The following SGSM2 variants were observed in gnomAD, a reference collection of about 807,000 sequenced individuals.
SGSM2 encodes the protein RUN and TBC1 domain containing 1.
A neutral mutation model predicts 126.6 loss-of-function variants in SGSM2; 89 were observed. That is an observed-to-expected ratio of 0.70 (90% CI 0.59 to 0.84). The LOEUF is 0.84. Among genes scored for constraint, SGSM2 ranks in the 40% least tolerant of loss-of-function variants. The pLI, the probability that SGSM2 is intolerant of heterozygous loss-of-function variation, is 0.00. For missense variants in SGSM2, 1,404 were observed against 1,416.6 expected (o/e 0.99, Z 0.14); for synonymous variants, 614 against 574.3 (o/e 1.07, Z -0.99).
At position 2,375,661 on chromosome 17, in the gene SGSM2, A is replaced by G. The variant is rs2066100697; in HGVS notation, c.2270A>G (p.Asn757Ser). The G allele has an allele frequency of 6.2e-7, 1 of 1,613,804 alleles. No homozygotes were observed. Among genetic ancestry groups the G allele is most frequent in the Admixed American group, 1.7e-5 (1 of 60,002 alleles). ...SPDSGLPSSR[N>S]YSVASGIQSS... ...GACTCAGGACTGCCCTCCTCTCGCA[A>G]TTACTCCGTGGCCTCGGGCATCCAG... is the stretch of plus-strand genomic sequence containing the variant. The change falls in exon 18 of 24, where the codon AAT becomes AGT. Residue 757 changes from asparagine (N) to serine (S), a missense_variant. Coordinates refer to ENST00000268989, the MANE Select transcript of SGSM2 (RefSeq NM_014853.3).
At chr17:2,375,280 G>C (rs954331359) in intron 17 of SGSM2, 2 of 544,128 alleles carry the variant, frequency 3.7e-6, no homozygotes, top group East Asian at 3.2e-5. Flanking sequence ...GGCTGAAGAC[G>C]TGTCTTCATG....
intron 22 of SGSM2, among the ~76,000 whole-genome samples, chr17:2,378,768 G>A (rs560822805): frequency 5.3e-5 from 8 of 152,252 alleles, no homozygotes; most frequent in African/African-American, 1.9e-4. Flanking sequence ...GAAAAGGATG[G>A]GGCCTTGGTA....
intron 22 of SGSM2, 91 bp from the exon 23 acceptor site, chr17:2,378,927 TCAGCCTCAGCCTCAGCCC>T (rs2066298830): frequency 8.7e-7 from 1 of 1,155,316 alleles, no homozygotes; most frequent in Non-Finnish European, 1.1e-6. Context: ...AGCCCCAGCC[TCAGCCTCAGCCTCAGCCC>T]CAGCCTCAAT....
At chr17:2,346,257 T>C (rs2064593964) in intron 2 of SGSM2, among the ~76,000 whole-genome samples, 1 of 152,080 alleles carries the variant, frequency 6.6e-6, no homozygotes, top group Admixed American at 6.6e-5. Context: ...GACACCACGG[T>C]CCCTAGTTTC....
chr17:2,368,644 G>A (rs748848604), intron 12 of SGSM2, among the ~76,000 whole-genome samples: 4 of 152,040 alleles, frequency 2.6e-5, no homozygotes, highest in African/African-American at 7.2e-5. Flanking sequence ...ACTGCCAGGC[G>A]CCTGCCCTCA....
At chr17:2,376,459 C>T in intron 19 of SGSM2, 198 bp downstream of exon 19, 1 of 682,972 alleles carries the variant, frequency 1.5e-6, no homozygotes, top group Non-Finnish European at 2.4e-6. Flanking sequence ...ACCTCCACTT[C>T]AGCCACACCT....
intron 2 of SGSM2, among the ~76,000 whole-genome samples, chr17:2,355,384 G>C (rs879118942): frequency 2.0e-5 from 1 of 49,080 alleles, no homozygotes; most frequent in Admixed American, 1.5e-4. Flanking sequence ...GGGGTGTAAG[G>C]GTTGGGGCAG....
intron 21 of SGSM2, 196 bp downstream of exon 21, chr17:2,377,264 T>C: frequency 1.8e-6 from 1 of 544,910 alleles, no homozygotes; most frequent in Non-Finnish European, 3.2e-6. Flanking sequence ...GGCAGGCGGA[T>C]CACGAAGTCA....
chr17:2,349,114 G>A (rs1278155769), intron 2 of SGSM2, among the ~76,000 whole-genome samples: 5 of 151,502 alleles, frequency 3.3e-5, no homozygotes, highest in African/African-American at 1.2e-4. Context: ...AGTGGCTCAC[G>A]CCTGCAATCC....
rs192350056 is a variant in SGSM2 at position 2,380,697 on chromosome 17, C to G, written c.*1177C>G. The G allele has an allele frequency of 3.5e-6, 1 of 285,292 alleles. No homozygotes were observed. Among genetic ancestry groups the G allele is most frequent in the Admixed American group, 5.0e-5 (1 of 19,890 alleles). The allele number at this position is 285,292 out of a possible 1,614,324, so 17.7% of individuals were successfully genotyped here. On this transcript the variant is annotated 3_prime_UTR_variant, in exon 24 of 24. Transcript: ENST00000268989. ...TCTACCCCAACACATGCAGGCTAGG[C>G]CTTGCCCTGGAACATGGAGGCCCTG...
At position 2,363,043 on chromosome 17, in the gene SGSM2, C is replaced by T. The variant is rs932072657; in HGVS notation, c.581C>T (p.Thr194Ile). The change falls in exon 6 of 24, where the codon ACT becomes ATT. Residue 194 changes from threonine (T) to isoleucine (I), a missense_variant. Thr to Ile is a moderately conservative substitution (Grantham distance 89). Transcript: ENST00000268989. The surrounding 1 kb of genome is among the most constrained non-coding windows in gnomAD (Gnocchi z 4.2). Reference protein sequence around the residue: ...TKLKTADHYWTDPSADELVQR... With the variant: ...TKLKTADHYWIDPSADELVQR... ...CTCAAGACAGCCGATCACTACTGGA[C>T]TGACCCCTCTGCTGATGAGCTGGTC... The T allele has an allele frequency of 1.2e-6, 2 of 1,613,902 alleles. No individual in the cohort carries two copies. The highest frequency in any genetic ancestry group is 1.7e-6 in the Non-Finnish European group (2 of 1,180,052).
chr17:2,373,207 G>T, intron 16 of SGSM2, 124 bp from the exon 17 acceptor site: 1 of 1,539,844 alleles, frequency 6.5e-7, no homozygotes, highest in Non-Finnish European at 8.8e-7. Flanking sequence ...CAGCTCCACC[G>T]TCCTTACCCT....
intron 11 of SGSM2, among the ~76,000 whole-genome samples, chr17:2,365,683 T>C (rs1173084474): frequency 2.6e-5 from 4 of 151,474 alleles, no homozygotes; most frequent in Non-Finnish European, 5.9e-5. Context: ...AACCCTCCAT[T>C]GCTCTTCACC....
At chr17:2,345,583 G>A (rs565701372) in intron 2 of SGSM2, among the ~76,000 whole-genome samples, 160 of 132,584 alleles carry the variant, frequency 1.2e-3, no homozygotes, top group Admixed American at 2.6e-3. Flanking sequence ...GTGACAGAGC[G>A]AGACTCTGTC....
In SGSM2 at chr17:2,376,244, C is replaced by A; in HGVS notation, c.2592C>A (p.Leu864=). 1 of 1,613,808 alleles carries A rather than the reference C, an allele frequency of 6.2e-7. No homozygotes were observed. The highest frequency in any genetic ancestry group is 1.3e-5 in the African/African-American group (1 of 75,010). ...WYFTPPNLER[L]RDVMCSYVWE... ...TCACGCCCCCCAACCTCGAGAGGCT[C>A]AGAGACGTCATGTGCAGGTGCCTTG... The change falls in exon 19 of 24, where the codon CTC becomes CTA. Residue 864 remains leucine (L), a synonymous_variant. Coordinates refer to ENST00000268989, the MANE Select transcript of SGSM2 (RefSeq NM_014853.3).
intron 16 of SGSM2, 37 bp downstream of exon 16, chr17:2,373,118 G>A (rs1465505532): frequency 3.7e-6 from 6 of 1,607,824 alleles, no homozygotes; most frequent in South Asian, 1.1e-5. Context: ...TGATGAGATG[G>A]GGAGCTGGGC....
intron 17 of SGSM2, chr17:2,374,034 T>A (rs1005660383): frequency 3.8e-5 from 6 of 158,842 alleles, no homozygotes; most frequent in African/African-American, 1.4e-4. Context: ...CGATGTTGCC[T>A]GTCACTGTAC....
intron 1 of SGSM2, among the ~76,000 whole-genome samples, chr17:2,339,299 A>G (rs562650525): frequency 1.3e-5 from 2 of 150,164 alleles, no homozygotes; most frequent in East Asian, 2.0e-4. Flanking sequence ...AGCCAGGCAC[A>G]GTGGTGGGCA....
intron 2 of SGSM2, among the ~76,000 whole-genome samples, chr17:2,353,428 A>C (rs2064956539): frequency 6.6e-6 from 1 of 152,160 alleles, no homozygotes; most frequent in Non-Finnish European, 1.5e-5. Flanking sequence ...TTTTGCATTC[A>C]TAATATATTT....
Sources: allele counts gnomAD v4.1 joint callset (sites outside exome capture counted in the v4.1 genomes callset), GRCh38; gene constraint gnomAD v4.1.1; non-coding constraint Gnocchi (gnomAD v3.1); transcripts MANE v1.5; gene names NCBI Gene and HGNC (gene_info 2026-07-23, HGNC 2026-07-21).